Variants in ITSN1 observed in about 807,000 individuals in gnomAD.
The protein encoded by ITSN1 is intersectin 1.
In ITSN1, 58 loss-of-function variants were observed where a neutral mutation model predicts 239.8. That is an observed-to-expected ratio of 0.24 (90% CI 0.20 to 0.30). The LOEUF is 0.30. Among genes scored for constraint, ITSN1 ranks in the 10% least tolerant of loss-of-function variants. ITSN1 has a pLI of 1.00. For missense variants in ITSN1, 1,558 were observed against 2,103.3 expected, an observed-to-expected ratio of 0.74 and a Z score of 5.07; for synonymous variants, 780 against 770.8, an observed-to-expected ratio of 1.01 and a Z score of -0.20.
At chr21:33,829,037 A>T in intron 26 of ITSN1, 1 of 469,116 alleles carries the variant, frequency 2.1e-6, no homozygotes, top group Non-Finnish European at 4.4e-6. Flanking sequence ...ATATTCAGGG[A>T]TCACTCTCAA....
In ITSN1 at chr21:33,758,999, G is replaced by T. The variant is rs553644776; in HGVS notation, c.725-2924G>T. ...TCTATTTTTAATATTTTGCAACATT[G>T]ATTTAGGACATATGTAGACAAATAG... On this transcript the variant is annotated intron_variant, in intron 8 of 39. Coordinates refer to ENST00000381318, the MANE Select transcript of ITSN1 (RefSeq NM_003024.3). Among the ~76,000 whole-genome samples the T allele has an allele frequency of 2.6e-5, 4 of 152,326 alleles. No individual in the cohort carries two copies. In the South Asian group the frequency reaches 8.3e-4, roughly 32 times the overall value.
intron 11 of ITSN1, 96 bp downstream of exon 11, chr21:33,767,924 G>T: frequency 1.5e-6 from 1 of 667,376 alleles, no homozygotes; most frequent in Non-Finnish European, 2.5e-6. Context: ...CATAAATTTA[G>T]TTTTTGACAT....
chr21:33,809,008 C>T (rs1481366830), intron 20 of ITSN1, among the ~76,000 whole-genome samples: 1 of 152,148 alleles, frequency 6.6e-6, no homozygotes, highest in Non-Finnish European at 1.5e-5. Flanking sequence ...AATGTGTCAC[C>T]ATATCACCAA....
At chr21:33,802,343 C>A (rs1051081820) in intron 19 of ITSN1, 87 bp from the exon 20 acceptor site, 3 of 1,313,010 alleles carry the variant, frequency 2.3e-6, no homozygotes, top group African/African-American at 1.5e-5. Flanking sequence ...TGATGAGATG[C>A]GTAGAGTTTA....
At chr21:33,826,054 C>T (rs929747118) in intron 25 of ITSN1, among the ~76,000 whole-genome samples, 1 of 152,218 alleles carries the variant, frequency 6.6e-6, no homozygotes, top group Non-Finnish European at 1.5e-5. Flanking sequence ...TCCGTTCTGG[C>T]TCCTGTCCTG....
rs1488429699 is a variant in ITSN1 at position 33,797,175 on chromosome 21, T to A, written c.1953-204T>A. ...TCTTGTAACCACTTTGTAAAATACA[T>A]CAGAAATTTTCTGTGTTTTCCTAAA... is the stretch of plus-strand genomic sequence containing the variant. On this transcript the variant is annotated intron_variant, in intron 17 of 39. Coordinates refer to ENST00000381318, the MANE Select transcript of ITSN1 (RefSeq NM_003024.3). The surrounding 1 kb of genome is among the most constrained non-coding windows in gnomAD (Gnocchi z 4.9). Among the ~76,000 whole-genome samples the A allele has an allele frequency of 1.3e-5, 2 of 152,186 alleles. No individual in the cohort carries two copies. Among genetic ancestry groups the A allele is most frequent in the African/African-American group, 4.8e-5 (2 of 41,434 alleles).
At position 33,882,065 on chromosome 21, in the gene ITSN1, C is replaced by G. The variant is rs1235228652; in HGVS notation, c.4342-178C>G. ...AGACTCTTCTTGATACTTGGAATCC[C>G]CTGAACTGTGCCTTTGTCTGACTTT... is the stretch of plus-strand genomic sequence containing the variant. On this transcript the variant is annotated intron_variant, in intron 34 of 39. Coordinates refer to ENST00000381318, the MANE Select transcript of ITSN1 (RefSeq NM_003024.3). The surrounding 1 kb of genome is among the most constrained non-coding windows in gnomAD (Gnocchi z 4.5). 6.6e-6 allele frequency among the ~76,000 whole-genome samples: 1 copy of G among 152,146 alleles called. No homozygotes were observed. The highest frequency in any genetic ancestry group is 1.5e-5 in the Non-Finnish European group (1 of 68,048).
At chr21:33,669,328 C>T (rs2146352235) in intron 1 of ITSN1, among the ~76,000 whole-genome samples, 1 of 152,332 alleles carries the variant, frequency 6.6e-6, no homozygotes, top group South Asian at 2.1e-4. Context: ...AGTGATCCAC[C>T]CGTCTTGGCC....
intron 4 of ITSN1, among the ~76,000 whole-genome samples, chr21:33,727,514 C>G (rs1320538198): frequency 6.6e-6 from 1 of 151,358 alleles, no homozygotes; most frequent in Non-Finnish European, 1.5e-5. Flanking sequence ...GGGCAAACAG[C>G]CATATAGTCA....
chr21:33,774,964 C>G lies in ITSN1; in HGVS notation c.1456-4C>G, dbSNP rs778634226. On this transcript the variant is annotated splice_polypyrimidine_tract_variant and splice_region_variant and intron_variant, in intron 13 of 39. Coordinates refer to ENST00000381318, the MANE Select transcript of ITSN1 (RefSeq NM_003024.3). Reference sequence around the variant, plus strand: ...TAATTTTTATTATCTTTCATTTGTTCAAGAATGATAAAAAGCATCAACTAG... The same window carrying G: ...TAATTTTTATTATCTTTCATTTGTTGAAGAATGATAAAAAGCATCAACTAG... 1.9e-6 allele frequency: 3 copies of G among 1,609,426 alleles called. No individual in the cohort carries two copies. In the East Asian group the frequency reaches 6.7e-5, roughly 36 times the overall value.
At chr21:33,863,408 C>T (rs1358426831) in intron 31 of ITSN1, among the ~76,000 whole-genome samples, 2 of 152,252 alleles carry the variant, frequency 1.3e-5, no homozygotes, top group Non-Finnish European at 2.9e-5. Flanking sequence ...ATAATCCCAG[C>T]ACTTTGGGAG....
intron 16 of ITSN1, among the ~76,000 whole-genome samples, chr21:33,784,288 G>T (rs2070445007): frequency 7.1e-6 from 1 of 141,560 alleles, no homozygotes; most frequent in Admixed American, 7.6e-5. Flanking sequence ...CTGGGCAAAA[G>T]GGTGAAGCCC....
intron 29 of ITSN1, among the ~76,000 whole-genome samples, chr21:33,844,382 C>T (rs1465804426): frequency 1.3e-5 from 2 of 152,222 alleles, no homozygotes; most frequent in Non-Finnish European, 2.9e-5. Context: ...CAGGCCCATG[C>T]AGCGCTCCAC....
chr21:33,845,494 C>G (rs1265516771), intron 29 of ITSN1, among the ~76,000 whole-genome samples: 2 of 152,150 alleles, frequency 1.3e-5, no homozygotes, highest in African/African-American at 4.8e-5. Flanking sequence ...GATTCCCGGT[C>G]CTCCGAGATA....
chr21:33,741,787 C>T (rs987608243), intron 5 of ITSN1, among the ~76,000 whole-genome samples: 2 of 149,214 alleles, frequency 1.3e-5, no homozygotes, highest in African/African-American at 2.5e-5. Flanking sequence ...CCCAGCTGCT[C>T]GGGAGGCTGA....
At chr21:33,730,038 C>T (rs925367789) in intron 4 of ITSN1, among the ~76,000 whole-genome samples, 8 of 151,906 alleles carry the variant, frequency 5.3e-5, no homozygotes, top group African/African-American at 1.9e-4. Flanking sequence ...TTTTTTTCTA[C>T]CTCTTACGTG....
In ITSN1 at chr21:33,812,504, T is replaced by G. The variant is rs1203888126; in HGVS notation, c.2567+1282T>G. Among the ~76,000 whole-genome samples, 5 of 152,182 alleles carry G rather than the reference T, an allele frequency of 3.3e-5. No individual in the cohort carries two copies. In the East Asian group the frequency reaches 7.7e-4, roughly 23 times the overall value. The stretch of plus-strand genomic sequence containing the variant: ...TTTATCTAAAATTATTTTTTATTAT[T>G]TATTATTATTTTGAGACAGGGTCTC... On this transcript the variant is annotated intron_variant, in intron 21 of 39. Transcript: ENST00000381318.
Position 33,895,096 on chromosome 21 carries a change from G to A in ITSN1, c.*6796G>A, listed in dbSNP as rs902972162. ...AAGGCTGGGTGGGAAGGAAGCTCGC[G>A]GCGAGCCTAGGGTTCAAGCCTAGCG... On this transcript the variant is annotated 3_prime_UTR_variant, in exon 40 of 40. Transcript: ENST00000381318. The A allele has an allele frequency of 2.6e-5, 4 of 152,446 alleles. No individual in the cohort carries two copies. The East Asian group carries it at 7.7e-4, about 29-fold the overall frequency. The allele number at this position is 152,446 out of a possible 1,614,324, so 9.4% of individuals were successfully genotyped here.
intron 16 of ITSN1, among the ~76,000 whole-genome samples, chr21:33,791,529 G>A (rs1472402264): frequency 1.3e-5 from 2 of 152,098 alleles, no homozygotes; most frequent in Non-Finnish European, 2.9e-5. Flanking sequence ...TGTGTCATAG[G>A]TAGGTTTTTT....
Sources: gnomAD v4.1 joint callset for allele counts (sites outside exome capture counted in the v4.1 genomes callset) on GRCh38, gnomAD v4.1.1 for gene constraint, Gnocchi (gnomAD v3.1) non-coding constraint, MANE v1.5 for transcripts, NCBI Gene and HGNC (gene_info 2026-07-23, HGNC 2026-07-21) for gene names.